LRBA: variants seen among roughly 807,000 people sequenced by gnomAD.
The protein encoded by LRBA is LPS responsive beige-like anchor protein.
LRBA carries 176 observed loss-of-function variants against 330.0 expected under a neutral mutation model. The ratio of observed to expected loss-of-function variants is 0.53; its 90% confidence interval spans 0.47 to 0.60. The LOEUF (loss-of-function observed/expected upper bound fraction) is 0.60, where lower values mean the gene tolerates loss of function less well. Among genes scored for constraint, LRBA ranks in the 20% least tolerant of loss-of-function variants. The pLI, the probability that LRBA is intolerant of heterozygous loss-of-function variation, is 0.00. For missense variants in LRBA, 3,259 were observed against 3,444.8 expected (o/e 0.95, Z 1.35); for synonymous variants, 1,230 against 1,193.0 (o/e 1.03, Z -0.64).
chr4:150,810,600 TTTTTTA>T (rs1743580691), intron 31 of LRBA, among the ~76,000 whole-genome samples: 1 of 152,108 alleles, frequency 6.6e-6, no homozygotes, highest in Non-Finnish European at 1.5e-5. Flanking sequence ...CTGACAATTA[TTTTTTA>T]TTTTTCTTTT....
intron 48 of LRBA, among the ~76,000 whole-genome samples, chr4:150,331,193 TTA>T (rs1247161631): frequency 2.0e-5 from 3 of 152,174 alleles, no homozygotes; most frequent in Admixed American, 2.0e-4. Context: ...CCTCAAGTGA[TTA>T]TGTTTCTTGC....
intron 2 of LRBA, among the ~76,000 whole-genome samples, chr4:151,001,850 G>A (rs1431070217): frequency 6.6e-6 from 1 of 152,106 alleles, no homozygotes; most frequent in Non-Finnish European, 1.5e-5. Flanking sequence ...CCCAAGGACA[G>A]GCATTCTCAG....
chr4:150,318,037 T>C (rs1731953825), intron 50 of LRBA, among the ~76,000 whole-genome samples: 1 of 152,200 alleles, frequency 6.6e-6, no homozygotes, highest in African/African-American at 2.4e-5. Context: ...AGCCATGTTT[T>C]GCCAGTGAGG....
chr4:150,430,122 A>G (rs1750177914), intron 46 of LRBA, among the ~76,000 whole-genome samples: 1 of 152,228 alleles, frequency 6.6e-6, no homozygotes, highest in African/African-American at 2.4e-5. Context: ...TTACAAGACA[A>G]ATCAATCACC....
chr4:150,583,097 G>C lies in LRBA; in HGVS notation c.6330+4951C>G. ...TACTACACTGAGCGCTGTCAGGCGC[G>C]CAAGGCGGCCATCGCCAAAACCATC... On this transcript the variant is annotated intron_variant, in intron 40 of 56. Transcript: ENST00000651943. The surrounding 1 kb of genome is among the most constrained non-coding windows in gnomAD (Gnocchi z 9.8). 1 of 1,614,110 alleles carries C rather than the reference G, an allele frequency of 6.2e-7. No homozygotes were observed. The highest frequency in any genetic ancestry group is 8.5e-7 in the Non-Finnish European group (1 of 1,179,984).
chr4:150,267,688 T>C (rs375581298), intron 56 of LRBA, among the ~76,000 whole-genome samples: 2 of 151,612 alleles, frequency 1.3e-5, no homozygotes, highest in African/African-American at 2.4e-5. Context: ...AAGCAGAAAA[T>C]AGTAAAATGA....
intron 13 of LRBA, among the ~76,000 whole-genome samples, chr4:150,901,941 A>C (rs1192964947): frequency 6.6e-6 from 1 of 152,200 alleles, no homozygotes; most frequent in East Asian, 1.9e-4. Flanking sequence ...ATTTACATCT[A>C]ACTATATGCA....
chr4:150,479,607 C>T (rs935964550), intron 42 of LRBA, among the ~76,000 whole-genome samples: 6 of 152,168 alleles, frequency 3.9e-5, no homozygotes, highest in African/African-American at 1.2e-4. Flanking sequence ...GGAATACATC[C>T]TCGAGAGGTG....
intron 40 of LRBA, among the ~76,000 whole-genome samples, chr4:150,538,177 C>T (rs1384124402): frequency 6.6e-6 from 1 of 152,176 alleles, no homozygotes; most frequent in Non-Finnish European, 1.5e-5. Flanking sequence ...AACTTTTATA[C>T]ACTGTTGGTG....
chr4:150,986,679 G>A (rs767212976), intron 2 of LRBA, among the ~76,000 whole-genome samples: 4 of 150,228 alleles, frequency 2.7e-5, no homozygotes, highest in Non-Finnish European at 4.5e-5. Context: ...GGTAGCAAAC[G>A]TACCATAAAA....
chr4:150,834,570 C>A (rs763315931), intron 28 of LRBA, among the ~76,000 whole-genome samples: 9 of 152,152 alleles, frequency 5.9e-5, no homozygotes, highest in Non-Finnish European at 1.3e-4. Flanking sequence ...ATTCAGTAAG[C>A]CATGTCGTAA....
At chr4:150,966,767 A>G (rs548782079) in intron 2 of LRBA, among the ~76,000 whole-genome samples, 1 of 152,312 alleles carries the variant, frequency 6.6e-6, no homozygotes, top group East Asian at 1.9e-4. Context: ...CCCAAACAAG[A>G]GCACACTGCA....
intron 40 of LRBA, among the ~76,000 whole-genome samples, chr4:150,494,904 G>A (rs988552333): frequency 6.6e-6 from 1 of 151,158 alleles, no homozygotes. Context: ...GGAGTCTGAC[G>A]CAGGTGAATG....
intron 37 of LRBA, among the ~76,000 whole-genome samples, chr4:150,676,291 C>G (rs147980189): frequency 6.6e-6 from 1 of 152,038 alleles, no homozygotes; most frequent in African/African-American, 2.4e-5. Flanking sequence ...TGTTTATGAC[C>G]ATTTACAGTG....
At chr4:150,788,862 G>A (rs1739480188) in intron 34 of LRBA, among the ~76,000 whole-genome samples, 1 of 152,046 alleles carries the variant, frequency 6.6e-6, no homozygotes, top group Admixed American at 6.6e-5. Context: ...ATCACCTGAG[G>A]TCAAGAGTTC....
intron 37 of LRBA, among the ~76,000 whole-genome samples, chr4:150,622,988 C>T (rs372784142): frequency 2.6e-5 from 4 of 152,264 alleles, no homozygotes; most frequent in African/African-American, 2.4e-5. Context: ...TGAGCCACCG[C>T]GCCCGGCCAA....
intron 36 of LRBA, among the ~76,000 whole-genome samples, chr4:150,685,855 G>C (rs1214960197): frequency 6.6e-6 from 1 of 152,070 alleles, no homozygotes; most frequent in Non-Finnish European, 1.5e-5. Flanking sequence ...TTAAAGCAAA[G>C]GCAAGGCAGA....
chr4:150,304,546 C>T (rs1305575697), intron 52 of LRBA, among the ~76,000 whole-genome samples: 1 of 152,090 alleles, frequency 6.6e-6, no homozygotes, highest in Non-Finnish European at 1.5e-5. Flanking sequence ...AAGCAAGTGT[C>T]TCTAGCTGCT....
intron 56 of LRBA, among the ~76,000 whole-genome samples, chr4:150,267,857 C>T (rs1274052922): frequency 6.6e-6 from 1 of 151,958 alleles, no homozygotes; most frequent in African/African-American, 2.4e-5. Flanking sequence ...GTCAGGAGTT[C>T]GAGACCAGCC....
Sources: allele counts gnomAD v4.1 joint callset (sites outside exome capture counted in the v4.1 genomes callset), GRCh38; gene constraint gnomAD v4.1.1; non-coding constraint Gnocchi (gnomAD v3.1); transcripts MANE v1.5; gene names NCBI Gene and HGNC (gene_info 2026-07-23, HGNC 2026-07-21).